Variants in TCF20 observed in about 807,000 individuals in gnomAD.
TCF20 encodes the protein transcription factor 20.
A neutral mutation model predicts 148.6 loss-of-function variants in TCF20; 3 were observed. The observed-to-expected ratio is 0.02, with a 90% CI of 0.01 to 0.05. TCF20 has a LOEUF of 0.05. Among genes scored for constraint, TCF20 ranks in the 10% least tolerant of loss-of-function variants. The probability of loss-of-function intolerance (pLI) is 1.00; values close to 1 mark genes in which losing one functional copy is unlikely to be tolerated. For missense variants in TCF20, 2,350 were observed against 2,429.3 expected (o/e 0.97, Z 0.69); for synonymous variants, 1,049 against 909.5 (o/e 1.15, Z -2.76).
chr22:42,259,096 G>A lies in TCF20; in HGVS notation c.-37+11243C>T, dbSNP rs920078720. ...TAATCTTGTCTACTGCCTCTGACACGAAAAAGTCTTCCCTGGTTCCATGCT... is the reference window on the plus strand; with the variant it reads ...TAATCTTGTCTACTGCCTCTGACACAAAAAAGTCTTCCCTGGTTCCATGCT... On this transcript the variant is annotated intron_variant, in intron 1 of 5. Coordinates refer to ENST00000677622, the MANE Select transcript of TCF20 (RefSeq NM_001378418.1). Among the ~76,000 whole-genome samples the A allele has an allele frequency of 3.3e-5, 5 of 152,230 alleles. No homozygotes were observed. The South Asian group carries it at 1.0e-3, about 32-fold the overall frequency.
Position 42,210,534 on chromosome 22 carries a change from G to A in TCF20, c.4772C>T (p.Ala1591Val). 6.2e-7 allele frequency: 1 copy of A among 1,614,172 alleles called. No homozygotes were observed. The highest frequency in any genetic ancestry group is 1.1e-5 in the South Asian group (1 of 91,080). ...TTTGGTTTTTCGCTTCCTCGGCTGGGCCCCAGGCTTCCTTCTCTCCCTCCT... is the reference window on the plus strand; with the variant it reads ...TTTGGTTTTTCGCTTCCTCGGCTGGACCCCAGGCTTCCTTCTCTCCCTCCT... The part of the protein sequence containing the change: ...RQRRERRKPG[A>V]QPRKRKTKQA... The change falls in exon 2 of 6, where the codon GCC becomes GTC. Residue 1591 changes from alanine (A) to valine (V), a missense_variant. Coordinates refer to ENST00000677622, the MANE Select transcript of TCF20 (RefSeq NM_001378418.1). This position sits in a 1 kb window ranked among gnomAD's most constrained non-coding sequence, Gnocchi z 4.7.
Position 42,292,337 on chromosome 22 carries a change from C to G in TCF20, c.-37+51142G>C, listed in dbSNP as rs986867414. Among the ~76,000 whole-genome samples the G allele has an allele frequency of 6.6e-6, 1 of 152,162 alleles. No homozygotes were observed. The highest frequency in any genetic ancestry group is 1.5e-5 in the Non-Finnish European group (1 of 68,030). ...AGGCCCCAGTGCTAAAATCAGGCCACGTGCACTAGGTCAAGGATGCCACAG... is the reference window on the plus strand; with the variant it reads ...AGGCCCCAGTGCTAAAATCAGGCCAGGTGCACTAGGTCAAGGATGCCACAG... On this transcript the variant is annotated intron_variant, in intron 1 of 1. Coordinates refer to the TCF20 transcript ENST00000515426. This position sits in a 1 kb window ranked among gnomAD's most constrained non-coding sequence, Gnocchi z 4.9.
chr22:42,170,100 G>A (rs1012685094), intron 3 of TCF20, among the ~76,000 whole-genome samples: 1 of 151,922 alleles, frequency 6.6e-6, no homozygotes, highest in Non-Finnish European at 1.5e-5. Context: ...CATTTGAAAA[G>A]AGTTAATGGT....
chr22:42,161,397 C>G, intron 5 of TCF20, 39 bp from the exon 6 acceptor site: 1 of 1,613,692 alleles, frequency 6.2e-7, no homozygotes, highest in Non-Finnish European at 8.5e-7. Flanking sequence ...CCAGGAGCCT[C>G]CACAGGGTCC....
intron 2 of TCF20, among the ~76,000 whole-genome samples, chr22:42,197,927 C>T (rs1937687450): frequency 1.3e-5 from 2 of 152,292 alleles, no homozygotes; most frequent in South Asian, 4.1e-4. Flanking sequence ...ATGCTCATGC[C>T]TTGTTATGAC....
At chr22:42,219,759 G>C (rs1172961214) in intron 1 of TCF20, among the ~76,000 whole-genome samples, 1 of 152,242 alleles carries the variant, frequency 6.6e-6, no homozygotes, top group African/African-American at 2.4e-5. Flanking sequence ...GGGGGGCTGA[G>C]GCAGGAGGAT....
intron 2 of TCF20, among the ~76,000 whole-genome samples, chr22:42,197,868 G>C (rs1029282746): frequency 2.0e-5 from 3 of 152,128 alleles, no homozygotes; most frequent in Admixed American, 6.5e-5. Flanking sequence ...TTAAAAAGAA[G>C]GTCCAATGCC....
At chr22:42,224,060 A>G (rs1229619477) in intron 1 of TCF20, among the ~76,000 whole-genome samples, 1 of 152,192 alleles carries the variant, frequency 6.6e-6, no homozygotes, top group African/African-American at 2.4e-5. Context: ...CTGCATATCT[A>G]AAAAGATTGC....
chr22:42,205,178 T>C (rs1473376302), intron 2 of TCF20, among the ~76,000 whole-genome samples: 1 of 151,744 alleles, frequency 6.6e-6, no homozygotes, highest in Non-Finnish European at 1.5e-5. Context: ...CAGAGGTCAT[T>C]GTGATTCTCA....
intron 1 of TCF20, among the ~76,000 whole-genome samples, chr22:42,261,686 T>C (rs151168131): frequency 7.2e-4 from 110 of 152,314 alleles, no homozygotes; most frequent in African/African-American, 2.6e-3. Context: ...CAGAGTGCTA[T>C]GGATACAGGA....
chr22:42,280,552 T>C (rs1217688282), intron 1 of TCF20, among the ~76,000 whole-genome samples: 1 of 152,216 alleles, frequency 6.6e-6, no homozygotes, highest in Non-Finnish European at 1.5e-5. Context: ...CCCCTACATG[T>C]GGCTCAGGGT....
intron 2 of TCF20, among the ~76,000 whole-genome samples, chr22:42,187,418 T>C (rs1473783852): frequency 1.3e-5 from 2 of 152,244 alleles, no homozygotes; most frequent in Non-Finnish European, 2.9e-5. Context: ...TATTTGTTTC[T>C]TTGGGAAAAC....
rs73169168 is a variant in TCF20, at chr22:42,313,059, T to C, written c.-37+30420A>G. On this transcript the variant is annotated intron_variant, in intron 1 of 1. Coordinates refer to the TCF20 transcript ENST00000515426. ...CCCAGCCTGAGTCACACCATCACCA[T>C]ACTGTGGACCCTGGACAAGCCTCCG... 5.3e-3 allele frequency among the ~76,000 whole-genome samples: 811 copies of C among 152,224 alleles called. 6 individuals carry two copies. The highest frequency in any genetic ancestry group is 8.6e-3 in the Non-Finnish European group (582 of 67,978).
chr22:42,298,588 G>A (rs1927276659), intron 1 of TCF20, among the ~76,000 whole-genome samples: 1 of 152,204 alleles, frequency 6.6e-6, no homozygotes, highest in Non-Finnish European at 1.5e-5. Flanking sequence ...CCTGAGCCTG[G>A]GCTCTTCATC....
chr22:42,293,643 C>T (rs959754187), intron 1 of TCF20, among the ~76,000 whole-genome samples: 1 of 152,208 alleles, frequency 6.6e-6, no homozygotes, highest in African/African-American at 2.4e-5. Flanking sequence ...AGCCCACTGG[C>T]CAACCCTAGC....
intron 2 of TCF20, among the ~76,000 whole-genome samples, chr22:42,190,637 G>A (rs1199448437): frequency 6.6e-6 from 1 of 152,226 alleles, no homozygotes; most frequent in Admixed American, 6.5e-5. Flanking sequence ...AGGAGTTAAA[G>A]CTAACAATCT....
At chr22:42,205,750 CAA>C (rs1039537494) in intron 2 of TCF20, among the ~76,000 whole-genome samples, 5 of 152,112 alleles carry the variant, frequency 3.3e-5, no homozygotes, top group African/African-American at 1.2e-4. Context: ...TACATCAGCT[CAA>C]AGAGACAACA....
At chr22:42,188,236 G>T (rs1470427345) in intron 2 of TCF20, among the ~76,000 whole-genome samples, 1 of 132,850 alleles carries the variant, frequency 7.5e-6, no homozygotes, top group Non-Finnish European at 1.6e-5. Flanking sequence ...GGAGGTTGCA[G>T]TGAGCGAGAT....
chr22:42,228,814 T>C (rs945825693), intron 1 of TCF20, among the ~76,000 whole-genome samples: 18 of 152,160 alleles, frequency 1.2e-4, no homozygotes, highest in South Asian at 4.2e-4. Context: ...CCCAGAGCAG[T>C]TTTTCAAACT....
Sources: gnomAD v4.1 joint callset for allele counts (sites outside exome capture counted in the v4.1 genomes callset) on GRCh38, gnomAD v4.1.1 for gene constraint, Gnocchi (gnomAD v3.1) non-coding constraint, MANE v1.5 for transcripts, NCBI Gene and HGNC (gene_info 2026-07-23, HGNC 2026-07-21) for gene names.